The following FHIT variants were observed in gnomAD, a reference collection of about 807,000 sequenced individuals.
FHIT encodes the protein bis(5'-adenosyl)-triphosphatase.
Under a neutral mutation model 17.9 loss-of-function variants are expected in FHIT, and 19 were observed. The ratio of observed to expected loss-of-function variants is 1.06; its 90% CI spans 0.74 to 1.56. The LOEUF (loss-of-function observed/expected upper bound fraction) is 1.56, where lower values mean the gene tolerates loss of function less well. FHIT is among the 40% of genes most tolerant of loss of function. The pLI is 0.00. For missense variants in FHIT, 248 were observed against 189.2 expected (o/e 1.31, Z -1.82); for synonymous variants, 81 against 69.7 (o/e 1.16, Z -0.81).
intron 3 of FHIT, among the ~76,000 whole-genome samples, chr3:60,840,580 T>A (rs1702691433): frequency 6.6e-6 from 1 of 152,238 alleles, no homozygotes; most frequent in African/African-American, 2.4e-5. Flanking sequence ...AACCTGGGAA[T>A]CTGCTTGTCT....
intron 5 of FHIT, among the ~76,000 whole-genome samples, chr3:60,433,466 T>C (rs1409621742): frequency 1.3e-5 from 2 of 152,108 alleles, no homozygotes; most frequent in Admixed American, 1.3e-4. Context: ...GGTAAATCTA[T>C]TTTCAAAATT....
Position 60,524,149 on chromosome 3 carries a change from C to T in FHIT, c.103+12711G>A, listed in dbSNP as rs150384974. Among the ~76,000 whole-genome samples, 1,242 of 151,450 alleles carry T rather than the reference C, an allele frequency of 8.2e-3. 20 individuals are homozygous for T. Among genetic ancestry groups the T allele is most frequent in the African/African-American group, 0.029 (1,183 of 41,124 alleles). On this transcript the variant is annotated intron_variant, in intron 5 of 9. Transcript: ENST00000492590. ...AGAGGAGATGCATTCATGAATAAAC[C>T]TGAGAATCATCCCTGCCCTCAGAGA...
chr3:60,011,883 T>C (rs1445281952), intron 6 of FHIT, among the ~76,000 whole-genome samples: 1 of 152,194 alleles, frequency 6.6e-6, no homozygotes, highest in Non-Finnish European at 1.5e-5. Flanking sequence ...CAAATGGTAG[T>C]GTTCATTGTA....
intron 3 of FHIT, among the ~76,000 whole-genome samples, chr3:61,037,109 C>A (rs1324672303): frequency 6.6e-6 from 1 of 152,108 alleles, no homozygotes; most frequent in African/African-American, 2.4e-5. Flanking sequence ...GACAGGGTTT[C>A]ACCGTGTTAG....
At chr3:60,218,526 T>C (rs1703804903) in intron 5 of FHIT, among the ~76,000 whole-genome samples, 1 of 152,132 alleles carries the variant, frequency 6.6e-6, no homozygotes, top group South Asian at 2.1e-4. Context: ...TTATCTTTAA[T>C]AACAAACACA....
chr3:60,890,939 C>A (rs555296351), intron 3 of FHIT, among the ~76,000 whole-genome samples: 1 of 152,326 alleles, frequency 6.6e-6, no homozygotes, highest in Non-Finnish European at 1.5e-5. Context: ...TATTTGACTC[C>A]ACACATCAAT....
intron 5 of FHIT, among the ~76,000 whole-genome samples, chr3:60,447,283 A>G (rs916790960): frequency 1.3e-5 from 2 of 152,140 alleles, no homozygotes; most frequent in Non-Finnish European, 2.9e-5. Context: ...AATTTAGCCA[A>G]AAGCAGAAGT....
chr3:59,848,787 A>T (rs1472828609), intron 8 of FHIT, among the ~76,000 whole-genome samples: 1 of 152,222 alleles, frequency 6.6e-6, no homozygotes, highest in Non-Finnish European at 1.5e-5. Flanking sequence ...GTAAAGCTCT[A>T]CCAGAATAGC....
At chr3:60,492,770 C>T (rs1576753621) in intron 5 of FHIT, among the ~76,000 whole-genome samples, 1 of 152,046 alleles carries the variant, frequency 6.6e-6, no homozygotes, top group Admixed American at 6.6e-5. Context: ...CTCCCAATGA[C>T]AGCAATTTTT....
At chr3:60,875,236 C>A (rs782546335) in intron 3 of FHIT, among the ~76,000 whole-genome samples, 3 of 152,198 alleles carry the variant, frequency 2.0e-5, no homozygotes, top group Non-Finnish European at 4.4e-5. Flanking sequence ...ATGCTTACTA[C>A]TTGTCCAACA....
intron 4 of FHIT, among the ~76,000 whole-genome samples, chr3:60,562,053 G>A (rs376378133): frequency 7.2e-5 from 11 of 152,210 alleles, no homozygotes; most frequent in African/African-American, 2.2e-4. Context: ...CTTTCCCTAT[G>A]TTTGAGTTCT....
chr3:60,667,675 A>C (rs1222679775), intron 4 of FHIT, among the ~76,000 whole-genome samples: 2 of 151,998 alleles, frequency 1.3e-5, no homozygotes, highest in East Asian at 3.9e-4. Context: ...ATGAAGGATA[A>C]TTTTTTATTG....
rs966728419 is a variant in FHIT, at chr3:60,181,933, T to A, written c.104-167781A>T. On this transcript the variant is annotated intron_variant, in intron 5 of 9. Coordinates refer to ENST00000492590, the MANE Select transcript of FHIT (RefSeq NM_002012.4). ...ATCATAGCAATCACCTTATGCATGA[T>A]GCTCTGAAAAACAAATCCGAAATAT... is the stretch of plus-strand genomic sequence containing the variant. 4.6e-5 allele frequency among the ~76,000 whole-genome samples: 7 copies of A among 152,324 alleles called. No individual in the cohort carries two copies. In the South Asian group the frequency reaches 1.4e-3, roughly 32 times the overall value.
At chr3:60,717,446 C>T (rs2041710368) in intron 4 of FHIT, among the ~76,000 whole-genome samples, 1 of 151,988 alleles carries the variant, frequency 6.6e-6, no homozygotes, top group Admixed American at 6.6e-5. Context: ...TTTTATTTGT[C>T]AACTATACCT....
chr3:60,580,974 G>T (rs1387526280), intron 4 of FHIT, among the ~76,000 whole-genome samples: 1 of 152,054 alleles, frequency 6.6e-6, no homozygotes, highest in African/African-American at 2.4e-5. Flanking sequence ...TGCAGATTCT[G>T]ATTAAGTCTG....
chr3:60,229,973 C>A (rs1704412814), intron 5 of FHIT, among the ~76,000 whole-genome samples: 1 of 152,172 alleles, frequency 6.6e-6, no homozygotes, highest in African/African-American at 2.4e-5. Context: ...CAGCACAAGA[C>A]CCTATCTCTA....
At chr3:60,642,475 CCA>C (rs111503319) in intron 4 of FHIT, among the ~76,000 whole-genome samples, 3,225 of 151,964 alleles carry the variant, frequency 0.021, 121 homozygotes, top group African/African-American at 0.072. Flanking sequence ...GATTCTTTAC[CCA>C]CACACACACA....
chr3:60,704,953 A>G (rs1239373177), intron 4 of FHIT, among the ~76,000 whole-genome samples: 1 of 151,766 alleles, frequency 6.6e-6, no homozygotes, highest in East Asian at 1.9e-4. Flanking sequence ...CATGACTGCC[A>G]CTCTGTCCAA....
chr3:60,707,755 T>C (rs781944637), intron 4 of FHIT, among the ~76,000 whole-genome samples: 26 of 152,212 alleles, frequency 1.7e-4, no homozygotes, highest in Non-Finnish European at 3.2e-4. Context: ...ACACTCACAG[T>C]TGGCAAGAAT....
Sources: gnomAD v4.1 joint callset for allele counts (sites outside exome capture counted in the v4.1 genomes callset) on GRCh38, gnomAD v4.1.1 for gene constraint, MANE v1.5 for transcripts, NCBI Gene and HGNC (gene_info 2026-07-23, HGNC 2026-07-21) for gene names.